The following CCDC93 variants were observed in gnomAD, a reference collection of about 807,000 sequenced individuals.
CCDC93 encodes the protein CCC complex scaffolding subunit CCDC93.
Under a neutral mutation model 108.2 loss-of-function variants are expected in CCDC93, and 61 were observed. That is an observed-to-expected ratio of 0.56 (90% CI 0.46 to 0.70). The LOEUF (loss-of-function observed/expected upper bound fraction) is 0.70. Ranked by LOEUF, CCDC93 falls within the 30% of genes least tolerant of loss-of-function variation. CCDC93 has a pLI of 0.00. For missense variants in CCDC93, 685 were observed against 764.2 expected (o/e 0.90, Z 1.22); for synonymous variants, 276 against 260.4 (o/e 1.06, Z -0.58).
At chr2:118,011,162 G>C (rs1677011841) in intron 1 of CCDC93, among the ~76,000 whole-genome samples, 1 of 151,638 alleles carries the variant, frequency 6.6e-6, no homozygotes, top group Admixed American at 6.6e-5. Flanking sequence ...ACCTAAACCA[G>C]TCATGTATTA....
chr2:118,013,165 T>C (rs1266998024), intron 1 of CCDC93, among the ~76,000 whole-genome samples: 2 of 152,228 alleles, frequency 1.3e-5, no homozygotes, highest in African/African-American at 4.8e-5. Flanking sequence ...ATGAATACAC[T>C]TTCCCTGTAT....
intron 1 of CCDC93, 61 bp downstream of exon 1, chr2:118,013,893 C>T: frequency 6.9e-7 from 1 of 1,446,394 alleles, no homozygotes; most frequent in African/African-American, 1.4e-5. Context: ...GCCCGCCGCC[C>T]CGCGGCTCGG....
At chr2:117,958,033 G>T (rs1679273354) in intron 12 of CCDC93, among the ~76,000 whole-genome samples, 1 of 152,154 alleles carries the variant, frequency 6.6e-6, no homozygotes, top group Admixed American at 6.5e-5. Flanking sequence ...GTAGATATTT[G>T]TTAACTAATG....
At chr2:118,007,296 T>C (rs1377691330) in intron 2 of CCDC93, among the ~76,000 whole-genome samples, 1 of 152,266 alleles carries the variant, frequency 6.6e-6, no homozygotes, top group East Asian at 1.9e-4. Flanking sequence ...CCCTCAGGAA[T>C]TCTCTGAGAT....
intron 6 of CCDC93, among the ~76,000 whole-genome samples, chr2:117,988,719 A>C (rs1680391336): frequency 6.6e-6 from 1 of 152,246 alleles, no homozygotes; most frequent in African/African-American, 2.4e-5. Flanking sequence ...TGCTTCTTAA[A>C]AATTCTCACA....
intron 4 of CCDC93, chr2:117,998,495 C>T (rs971189907): frequency 6.6e-6 from 1 of 152,062 alleles, no homozygotes; most frequent in Non-Finnish European, 1.5e-5. Flanking sequence ...GTGTCCTTAC[C>T]TGGAAAACTA....
rs187254660 is a variant in CCDC93 at position 117,941,335 on chromosome 2, T to C, written c.1414-38A>G. The stretch of plus-strand genomic sequence containing the variant: ...GGGAGACAGAGACAGTACTATTTGG[T>C]AAAAGGCCTTACATGTTCTCTAGGG... On this transcript the variant is annotated intron_variant, in intron 18 of 23. Transcript: ENST00000376300. 2.6e-4 allele frequency: 406 copies of C among 1,535,774 alleles called. No individual in the cohort carries two copies. The African/African-American group carries it at 5.1e-3, about 19-fold the overall frequency.
At chr2:117,950,087 C>G (rs1679005876) in intron 13 of CCDC93, 1 of 985,312 alleles carries the variant, frequency 1.0e-6, no homozygotes, top group African/African-American at 1.7e-5. Context: ...CCCAGAACAT[C>G]AGTTACTACC....
Position 117,974,886 on chromosome 2 carries a change from C to T in CCDC93, c.765G>A (p.Ser255=), listed in dbSNP as rs1679882621. 1.0e-5 allele frequency: 16 copies of T among 1,565,672 alleles called. No individual in the cohort carries two copies. The highest frequency in any genetic ancestry group is 1.4e-5 in the Non-Finnish European group (16 of 1,154,368). The change falls in exon 10 of 24, where the codon TCG becomes TCA. Residue 255 remains serine, a synonymous_variant. Coordinates refer to ENST00000376300, the MANE Select transcript of CCDC93 (RefSeq NM_019044.5). ...LRAAEEQRIQ[S]LMTKMTAMAN... is the part of the protein sequence containing the mutation. The stretch of plus-strand genomic sequence containing the variant: ...CCATAGCGGTCATCTTGGTCATCAG[C>T]GACTGAATACGCTGCTGAAAGAGGA...
intron 18 of CCDC93, 68 bp downstream of exon 18, chr2:117,943,956 G>C (rs1272976175): frequency 9.3e-7 from 1 of 1,070,918 alleles, no homozygotes; most frequent in Non-Finnish European, 1.4e-6. Flanking sequence ...AGACTTTCTA[G>C]TTATGTCATA....
intron 10 of CCDC93, among the ~76,000 whole-genome samples, chr2:117,974,352 A>C (rs891941557): frequency 2.0e-5 from 3 of 152,168 alleles, no homozygotes; most frequent in Admixed American, 6.5e-5. Context: ...AATAGAGAAG[A>C]GCATGGGAAA....
chr2:117,936,936 T>C (rs1678546170), intron 20 of CCDC93, 197 bp from the exon 21 acceptor site: 5 of 572,410 alleles, frequency 8.7e-6, no homozygotes, highest in African/African-American at 5.6e-5. Flanking sequence ...GGAATCCACC[T>C]TCTTCTCACA....
In CCDC93 at chr2:118,009,782, G is replaced by A. The variant is rs547874126; in HGVS notation, c.43-1124C>T. On this transcript the variant is annotated intron_variant, in intron 1 of 23. Coordinates refer to ENST00000376300, the MANE Select transcript of CCDC93 (RefSeq NM_019044.5). ...CATCCCTCACTGTACTTCCCTTTTCGATCTCGAAAACAAATATATGAAAGG... is the reference window on the plus strand; with the variant it reads ...CATCCCTCACTGTACTTCCCTTTTCAATCTCGAAAACAAATATATGAAAGG... 3.4e-4 allele frequency among the ~76,000 whole-genome samples: 52 copies of A among 152,208 alleles called. 2 individuals are homozygous for A. The South Asian group carries it at 1.0e-2, about 29-fold the overall frequency.
intron 13 of CCDC93, chr2:117,950,255 C>A (rs772729797): frequency 5.1e-6 from 5 of 985,168 alleles, no homozygotes; most frequent in Non-Finnish European, 6.0e-6. Context: ...ACAGACATAA[C>A]CTTAAAAAAG....
rs1680654622 is a variant in CCDC93 at position 117,996,506 on chromosome 2, T to C, written c.364-144A>G. 1.0e-5 allele frequency: 6 copies of C among 586,008 alleles called. No individual in the cohort carries two copies. In the Admixed American group the frequency reaches 1.7e-4, roughly 17 times the overall value. 36.3% of individuals were successfully genotyped at this position (586,008 alleles called of 1,614,324 possible). Reference sequence around the variant, plus strand: ...ATAAGAAGCTATCAACACATGCTGTTCTATAGGAAAAGCAACCAGCTGGGT... The same window carrying C: ...ATAAGAAGCTATCAACACATGCTGTCCTATAGGAAAAGCAACCAGCTGGGT... On this transcript the variant is annotated intron_variant, in intron 4 of 23. Coordinates refer to ENST00000376300, the MANE Select transcript of CCDC93 (RefSeq NM_019044.5).
chr2:117,920,154 T>C lies in CCDC93; in HGVS notation c.*189A>G, dbSNP rs41279758. The C allele has an allele frequency of 9.9e-6, 5 of 506,984 alleles. No individual in the cohort carries two copies. The highest frequency in any genetic ancestry group is 3.1e-5 in the South Asian group (1 of 32,042). The allele number at this position is 506,984 out of a possible 1,614,324, so 31.4% of individuals were successfully genotyped here. A position where few individuals can be genotyped will look rare whatever the true frequency, so the allele number is the denominator to read the frequency against. On this transcript the variant is annotated 3_prime_UTR_variant, in exon 24 of 24. Coordinates refer to ENST00000376300, the MANE Select transcript of CCDC93 (RefSeq NM_019044.5). ...GGTGTTATCCAAGCCACGTGTTTAC[T>C]GTCTGACTCCATCAACAGCAGCCAA... is the stretch of plus-strand genomic sequence containing the variant.
intron 7 of CCDC93, among the ~76,000 whole-genome samples, chr2:117,982,203 C>T (rs1325428256): frequency 1.3e-5 from 2 of 151,990 alleles, no homozygotes; most frequent in Admixed American, 6.6e-5. Context: ...AATAGGCTAA[C>T]TCCAGCATTC....
chr2:117,922,697 TGA>T (rs1229555648), intron 23 of CCDC93, among the ~76,000 whole-genome samples: 1 of 152,008 alleles, frequency 6.6e-6, no homozygotes, highest in Non-Finnish European at 1.5e-5. Flanking sequence ...CAGGATGCAG[TGA>T]GAATTCAGAA....
At position 117,952,394 on chromosome 2, in the gene CCDC93, T is replaced by G; in HGVS notation, c.1047A>C (p.Glu349Asp). 6.2e-7 allele frequency: 1 copy of G among 1,613,278 alleles called. No homozygotes were observed. Among genetic ancestry groups the G allele is most frequent in the Non-Finnish European group, 8.5e-7 (1 of 1,179,188 alleles). Residue 349 changes from glutamate to aspartate, a missense_variant, in exon 13 of 24, where the codon GAA becomes GAC. By Grantham distance (45) the Glu-to-Asp change is conservative (BLOSUM62 2). Transcript: ENST00000376300. ...TCACCTCTGTCAGCGTTTTCTTGGC[T>G]TCATTATATCTGGCTTGTAGGCTGG... ...SHTSLQARYN[E>D]AKKTLTELKT...
Sources: gnomAD v4.1 joint callset for allele counts (sites outside exome capture counted in the v4.1 genomes callset) on GRCh38, gnomAD v4.1.1 for gene constraint, MANE v1.5 for transcripts, NCBI Gene and HGNC (gene_info 2026-07-23, HGNC 2026-07-21) for gene names.